Variants in CHIC2 observed in about 807,000 individuals in gnomAD.
The protein encoded by CHIC2 is cysteine rich hydrophobic domain 2, also known as cysteine-rich hydrophobic domain-containing protein 2.
Under a neutral mutation model 25.9 loss-of-function variants are expected in CHIC2, and 14 were observed. The observed-to-expected ratio is 0.54, with a 90% CI of 0.36 to 0.85. The LOEUF (loss-of-function observed/expected upper bound fraction) is 0.85. Among genes scored for constraint, CHIC2 ranks in the 40% least tolerant of loss-of-function variants. CHIC2 has a pLI of 0.01. For synonymous variants in CHIC2, 70 were observed against 72.0 expected, an observed-to-expected ratio of 0.97 and a Z score of 0.14; for missense variants, 146 against 202.0, an observed-to-expected ratio of 0.72 and a Z score of 1.68.
Position 54,049,104 on chromosome 4 carries a change from G to T in CHIC2, c.181C>A (p.Pro61Thr). 6.3e-7 allele frequency: 1 copy of T among 1,598,850 alleles called. No homozygotes were observed. Among genetic ancestry groups the T allele is most frequent in the African/African-American group, 1.3e-5 (1 of 74,104 alleles). The change falls in exon 3 of 6, where the codon CCT becomes ACT. Residue 61 changes from proline to threonine, a missense_variant. Coordinates refer to ENST00000263921, the MANE Select transcript of CHIC2 (RefSeq NM_012110.4). ...TTGATGCTGGCTTTAAATTCTTCAG[G>T]AGCTACCTAAAGAAAAATTTTAAGA... is the stretch of plus-strand genomic sequence containing the variant. ...FPSSLTGKVA[P>T]EEFKASINRV...
At chr4:54,019,252 A>T (rs1159334066) in intron 3 of CHIC2, among the ~76,000 whole-genome samples, 3 of 151,988 alleles carry the variant, frequency 2.0e-5, no homozygotes, top group African/African-American at 7.2e-5. Flanking sequence ...AACAAAAAAA[A>T]ACTAGAATAT....
chr4:54,029,859 G>A (rs1716169536), intron 3 of CHIC2, among the ~76,000 whole-genome samples: 1 of 151,998 alleles, frequency 6.6e-6, no homozygotes, highest in South Asian at 2.1e-4. Flanking sequence ...ATTCCCCCAG[G>A]TTCACTTTCC....
At chr4:54,031,808 C>T (rs1050780931) in intron 3 of CHIC2, among the ~76,000 whole-genome samples, 11 of 151,844 alleles carry the variant, frequency 7.2e-5, no homozygotes, top group African/African-American at 2.4e-4. Flanking sequence ...TTAGTAGAGA[C>T]GGGGTTTCAC....
intron 1 of CHIC2, among the ~76,000 whole-genome samples, chr4:54,055,114 G>A (rs1179713796): frequency 6.6e-6 from 1 of 152,054 alleles, no homozygotes; most frequent in African/African-American, 2.4e-5. Flanking sequence ...GTGGAAAGGT[G>A]GAGACAGGGG....
intron 3 of CHIC2, among the ~76,000 whole-genome samples, chr4:54,038,289 G>A (rs75260070): frequency 0.035 from 5,403 of 152,214 alleles, 136 homozygotes; most frequent in Non-Finnish European, 0.057. Context: ...AGGACATGAC[G>A]TTAATATGCA....
Position 54,009,891 on chromosome 4 carries a change from C to A in CHIC2, c.*204G>T. The stretch of plus-strand genomic sequence containing the variant: ...AGAGCACAATAACTTAAGTATTAAA[C>A]ATCTGTATGAAATAACTGTTGCAAA... On this transcript the variant is annotated 3_prime_UTR_variant, in exon 6 of 6. Coordinates refer to ENST00000263921, the MANE Select transcript of CHIC2 (RefSeq NM_012110.4). 1 of 410,848 alleles carries A rather than the reference C, an allele frequency of 2.4e-6. No individual in the cohort carries two copies. The highest frequency in any genetic ancestry group is 4.4e-6 in the Non-Finnish European group (1 of 224,990). The allele number at this position is 410,848 out of a possible 1,614,324, so 25.5% of individuals were successfully genotyped here. A position where few individuals can be genotyped will look rare whatever the true frequency, so the allele number is the denominator to read the frequency against.
chr4:54,060,888 G>A (rs140163911), intron 1 of CHIC2: 1 of 152,150 alleles, frequency 6.6e-6, no homozygotes, highest in East Asian at 1.9e-4. Context: ...AGCCTTTTAG[G>A]TTACATGTAC....
chr4:54,030,523 GAAAA>G (rs375404677), intron 3 of CHIC2, among the ~76,000 whole-genome samples: 33 of 114,790 alleles, frequency 2.9e-4, no homozygotes, highest in Admixed American at 2.1e-3. Flanking sequence ...TATCTCAAAA[GAAAA>G]AAAAAAAAAA....
chr4:54,018,972 A>G (rs1213219219), intron 3 of CHIC2, among the ~76,000 whole-genome samples: 1 of 151,848 alleles, frequency 6.6e-6, no homozygotes, highest in Admixed American at 6.6e-5. Context: ...TTTAACTTAT[A>G]TTTTTCAAAT....
chr4:54,040,678 G>A (rs752414419), intron 3 of CHIC2, among the ~76,000 whole-genome samples: 3 of 143,586 alleles, frequency 2.1e-5, no homozygotes, highest in Non-Finnish European at 4.5e-5. Flanking sequence ...ACTCCAGCCT[G>A]GGTGATAAAA....
chr4:54,021,050 A>G (rs1030572036), intron 3 of CHIC2, among the ~76,000 whole-genome samples: 3 of 152,034 alleles, frequency 2.0e-5, no homozygotes. Flanking sequence ...CTTCTTCACT[A>G]TGGGCAACCT....
the CHIC2 span, among the ~76,000 whole-genome samples, chr4:54,071,434 G>A: frequency 1.3e-5 from 2 of 152,158 alleles, no homozygotes; most frequent in Admixed American, 6.5e-5. Flanking sequence ...TATAACATAG[G>A]TACCGTTTTC....
upstream of CHIC2, among the ~76,000 whole-genome samples, chr4:54,065,881 T>C (rs1181381676): frequency 6.6e-6 from 1 of 152,162 alleles, no homozygotes; most frequent in Non-Finnish European, 1.5e-5. Flanking sequence ...ATGAGTGTGG[T>C]TAGCCAAGAA....
At chr4:54,042,026 GA>G (rs979036450) in intron 3 of CHIC2, among the ~76,000 whole-genome samples, 27 of 148,022 alleles carry the variant, frequency 1.8e-4, no homozygotes, top group African/African-American at 4.2e-4. Flanking sequence ...AAAAAAAAAG[GA>G]AAAAAAAATC....
chr4:54,064,405 C>T lies in CHIC2; in HGVS notation c.-105G>A. On this transcript the variant is annotated 5_prime_UTR_variant, in exon 1 of 6. Transcript: ENST00000263921. This position sits in a 1 kb window ranked among gnomAD's most constrained non-coding sequence, Gnocchi z 4.2. ...GGCTGAGGGGAGTCGCCGCTGCCGCCGGCTCCGAGGCCGCGGAGTTCGCTG... is the reference window on the plus strand; with the variant it reads ...GGCTGAGGGGAGTCGCCGCTGCCGCTGGCTCCGAGGCCGCGGAGTTCGCTG... 2 of 1,543,924 alleles carry T rather than the reference C, an allele frequency of 1.3e-6. No homozygotes were observed. Among genetic ancestry groups the T allele is most frequent in the Non-Finnish European group, 1.7e-6 (2 of 1,147,304 alleles).
At chr4:54,062,084 C>A (rs1292865368) in intron 1 of CHIC2, among the ~76,000 whole-genome samples, 2 of 152,080 alleles carry the variant, frequency 1.3e-5, no homozygotes, top group Non-Finnish European at 2.9e-5. Context: ...TAAAAGGTAT[C>A]GACTATAACT....
the CHIC2 span, chr4:54,087,924 G>A: frequency 5.0e-6 from 1 of 201,932 alleles, no homozygotes; most frequent in African/African-American, 2.3e-5. Context: ...TTTCTGTTCT[G>A]TTTTAAACAG....
chr4:54,085,659 T>C, the CHIC2 span, among the ~76,000 whole-genome samples: 1 of 152,212 alleles, frequency 6.6e-6, no homozygotes. Context: ...GTGGCCATTA[T>C]GGTGTGTTTC....
the CHIC2 span, among the ~76,000 whole-genome samples, chr4:54,085,931 T>C: frequency 6.6e-6 from 1 of 152,004 alleles, no homozygotes. Flanking sequence ...CAATATCTTA[T>C]TGTGGAAATA....
Sources: allele counts gnomAD v4.1 joint callset (sites outside exome capture counted in the v4.1 genomes callset), GRCh38; gene constraint gnomAD v4.1.1; non-coding constraint Gnocchi (gnomAD v3.1); transcripts MANE v1.5; gene names NCBI Gene and HGNC (gene_info 2026-07-23, HGNC 2026-07-21).